SYNPR: variants seen among roughly 807,000 people sequenced by gnomAD.
SYNPR encodes the protein synaptoporin.
Under a neutral mutation model 32.9 loss-of-function variants are expected in SYNPR, and 23 were observed. That is an observed-to-expected ratio of 0.70 (90% CI 0.50 to 0.99). The LOEUF is 0.99. Ranked by LOEUF, SYNPR falls within the 50% of genes least tolerant of loss-of-function variation. The pLI is 0.00. For synonymous variants in SYNPR, 146 were observed against 135.9 expected, an observed-to-expected ratio of 1.07 and a Z score of -0.52; for missense variants, 318 against 349.3, an observed-to-expected ratio of 0.91 and a Z score of 0.71.
chr3:63,580,559 A>G (rs1246502897), intron 4 of SYNPR, among the ~76,000 whole-genome samples: 1 of 152,124 alleles, frequency 6.6e-6, no homozygotes, highest in East Asian at 1.9e-4. Flanking sequence ...TAATATGAAC[A>G]TCAGCCTTTT....
At chr3:63,399,170 T>G (rs1167701451) in intron 2 of SYNPR, among the ~76,000 whole-genome samples, 1 of 152,156 alleles carries the variant, frequency 6.6e-6, no homozygotes, top group Non-Finnish European at 1.5e-5. Flanking sequence ...CATTTAAGAT[T>G]CAAATTCCTG....
At chr3:63,413,594 G>C (rs1315834300) in intron 2 of SYNPR, among the ~76,000 whole-genome samples, 1 of 152,140 alleles carries the variant, frequency 6.6e-6, no homozygotes, top group East Asian at 1.9e-4. Flanking sequence ...AGAACAAATA[G>C]AGCCTCAAAT....
chr3:63,303,533 A>G (rs2086878516), intron 2 of SYNPR, among the ~76,000 whole-genome samples: 2 of 152,074 alleles, frequency 1.3e-5, no homozygotes, highest in Non-Finnish European at 2.9e-5. Context: ...ATGCACAAAG[A>G]GTACTTTATC....
At position 63,524,870 on chromosome 3, in the gene SYNPR, T is replaced by TGA. The variant is rs59919433; in HGVS notation, c.210-31646_210-31645dup. ...GTGTGTGCATGTGTGTGTGTGTGTG[T>TGA]GAGAGAGAGAGAGAGAGAGAGAGAG... On this transcript the variant is annotated intron_variant, in intron 3 of 5. Coordinates refer to ENST00000478300, the MANE Select transcript of SYNPR (RefSeq NM_001130003.2). 3.4e-3 allele frequency among the ~76,000 whole-genome samples: 472 copies of TGA among 140,670 alleles called. 3 individuals carry two copies. The highest frequency in any genetic ancestry group is 7.3e-3 in the South Asian group (33 of 4,526). The allele number at this position is 140,670 out of a possible 152,430, so 92.3% of individuals were successfully genotyped here. A position where few individuals can be genotyped will look rare whatever the true frequency, so the allele number is the denominator to read the frequency against.
intron 2 of SYNPR, among the ~76,000 whole-genome samples, chr3:63,410,850 G>A: frequency 6.6e-6 from 1 of 152,164 alleles, no homozygotes; most frequent in East Asian, 1.9e-4. Flanking sequence ...GACAGTGATG[G>A]TTGGGTTGAG....
chr3:63,338,965 G>A, intron 2 of SYNPR, among the ~76,000 whole-genome samples: 1 of 152,170 alleles, frequency 6.6e-6, no homozygotes, highest in East Asian at 1.9e-4. Flanking sequence ...TTCCCTAAAA[G>A]AGACACTACT....
At chr3:63,486,636 A>G (rs1358616218) in intron 3 of SYNPR, among the ~76,000 whole-genome samples, 1 of 152,210 alleles carries the variant, frequency 6.6e-6, no homozygotes, top group Non-Finnish European at 1.5e-5. Context: ...TTTAAAGAAG[A>G]TAGATAGATG....
intron 2 of SYNPR, among the ~76,000 whole-genome samples, chr3:63,408,482 T>C (rs1441413740): frequency 6.6e-6 from 1 of 152,124 alleles, no homozygotes; most frequent in African/African-American, 2.4e-5. Flanking sequence ...GGGAAGCTGG[T>C]AGTATGTCTC....
intron 2 of SYNPR, among the ~76,000 whole-genome samples, chr3:63,365,092 G>C (rs1187593702): frequency 6.6e-6 from 1 of 152,284 alleles, no homozygotes; most frequent in East Asian, 1.9e-4. Context: ...ACTATTTAGG[G>C]AGGATTAGCT....
At chr3:63,599,972 A>G (rs1700014751) in intron 4 of SYNPR, among the ~76,000 whole-genome samples, 1 of 152,228 alleles carries the variant, frequency 6.6e-6, no homozygotes, top group South Asian at 2.1e-4. Flanking sequence ...GTAGTACCAA[A>G]CTGACTAAAA....
At chr3:63,589,177 C>T (rs1178417161) in intron 4 of SYNPR, among the ~76,000 whole-genome samples, 2 of 152,074 alleles carry the variant, frequency 1.3e-5, no homozygotes, top group Non-Finnish European at 2.9e-5. Flanking sequence ...CTTTGAGAAC[C>T]ATCCAAGGAC....
At position 63,492,297 on chromosome 3, in the gene SYNPR, C is replaced by T. The variant is rs571971027; in HGVS notation, c.209+11341C>T. Among the ~76,000 whole-genome samples the T allele has an allele frequency of 1.4e-4, 21 of 152,254 alleles. No individual in the cohort carries two copies. The South Asian group carries it at 2.7e-3, about 20-fold the overall frequency. Reference sequence around the variant, plus strand: ...ATGATGACTACCACAGAAACCCTTGCTGAACCTCAGTTTCCTACAAAATGA... The same window carrying T: ...ATGATGACTACCACAGAAACCCTTGTTGAACCTCAGTTTCCTACAAAATGA... On this transcript the variant is annotated intron_variant, in intron 3 of 5. Coordinates refer to ENST00000478300, the MANE Select transcript of SYNPR (RefSeq NM_001130003.2).
At chr3:63,387,662 C>G (rs2088070163) in intron 2 of SYNPR, among the ~76,000 whole-genome samples, 1 of 152,142 alleles carries the variant, frequency 6.6e-6, no homozygotes, top group Admixed American at 6.5e-5. Context: ...CTACAGAGGT[C>G]AAGTTGAACC....
chr3:63,204,541 C>G, the SYNPR span, among the ~76,000 whole-genome samples: 1 of 152,190 alleles, frequency 6.6e-6, no homozygotes, highest in South Asian at 2.1e-4. Flanking sequence ...AGGACTTCAA[C>G]TATCTTTTTA....
intron 4 of SYNPR, among the ~76,000 whole-genome samples, chr3:63,596,546 C>T (rs191058279): frequency 6.6e-6 from 1 of 152,186 alleles, no homozygotes; most frequent in African/African-American, 2.4e-5. Context: ...GGGCCGCCCA[C>T]CTCCTTCTTT....
At chr3:63,488,153 A>T (rs1482050236) in intron 3 of SYNPR, among the ~76,000 whole-genome samples, 1 of 152,196 alleles carries the variant, frequency 6.6e-6, no homozygotes, top group Non-Finnish European at 1.5e-5. Flanking sequence ...GGTTTTTACC[A>T]TAATAGCCAA....
chr3:63,278,763 A>G, intron 2 of SYNPR, 21 bp downstream of exon 2: 1 of 1,551,132 alleles, frequency 6.4e-7, no homozygotes. Context: ...GTGTGTGTGC[A>G]GGGAGGGGCG....
At chr3:63,499,532 C>T (rs1701438346) in intron 3 of SYNPR, among the ~76,000 whole-genome samples, 1 of 151,976 alleles carries the variant, frequency 6.6e-6, no homozygotes, top group Admixed American at 6.6e-5. Flanking sequence ...CAATGAAGAA[C>T]TCTATATAAG....
At chr3:63,286,230 T>C (rs2086679352) in intron 2 of SYNPR, among the ~76,000 whole-genome samples, 1 of 152,202 alleles carries the variant, frequency 6.6e-6, no homozygotes, top group Non-Finnish European at 1.5e-5. Flanking sequence ...AAGGCCAGTA[T>C]TGAACCTAAA....
Sources: gnomAD v4.1 joint callset for allele counts (sites outside exome capture counted in the v4.1 genomes callset) on GRCh38, gnomAD v4.1.1 for gene constraint, MANE v1.5 for transcripts, NCBI Gene and HGNC (gene_info 2026-07-23, HGNC 2026-07-21) for gene names.